ZMYM1: variants seen among roughly 807,000 people sequenced by gnomAD.
The protein encoded by ZMYM1 is zinc finger MYM-type protein 1.
Under a neutral mutation model 60.0 loss-of-function variants are expected in ZMYM1, and 39 were observed. The ratio of observed to expected loss-of-function variants is 0.65; its 90% CI spans 0.50 to 0.85. ZMYM1 has a LOEUF of 0.85. ZMYM1 is among the 40% of genes least tolerant of loss of function. ZMYM1 has a pLI of 0.00. For synonymous variants in ZMYM1, 413 were observed against 454.0 expected, an observed-to-expected ratio of 0.91 and a Z score of 1.15; for missense variants, 1,171 against 1,309.5, an observed-to-expected ratio of 0.89 and a Z score of 1.63.
rs949615658 is a variant in ZMYM1, at chr1:35,079,411, A to T, written c.-106A>T. On this transcript the variant is annotated 5_prime_UTR_variant, in exon 1 of 10. In the 5' UTR this introduces an upstream ATG that the reference lacks. Transcript: ENST00000359858. The stretch of plus-strand genomic sequence containing the variant: ...GTTTCGCTTCGAAGATTGTTTCAGA[A>T]GCGTTGGGCGGGGCGTCCCTGAGAG... 4 of 940 alleles carry T rather than the reference A, an allele frequency of 4.3e-3. No homozygotes were observed. The highest frequency in any genetic ancestry group is 5.3e-3 in the Non-Finnish European group (3 of 562). 0.1% of individuals were successfully genotyped at this position (940 alleles called of 1,614,324 possible).
At chr1:35,071,622 C>T (rs113285891) in intron 1 of ZMYM1, among the ~76,000 whole-genome samples, 3,492 of 152,232 alleles carry the variant, frequency 0.023, 163 homozygotes, top group African/African-American at 0.08. Flanking sequence ...TCATGAGCCA[C>T]TGCACCCAGC....
chr1:35,114,107 A>T lies in ZMYM1; in HGVS notation c.2277A>T (p.Lys759Asn). 6.2e-7 allele frequency: 1 copy of T among 1,612,962 alleles called. No individual in the cohort carries two copies. Among genetic ancestry groups the T allele is most frequent in the Non-Finnish European group, 8.5e-7 (1 of 1,179,664 alleles). ...ATTTATCAATAATTAGGTTTTGTAA[A>T]GAAGTAAAAGAACTCCGAAGTGCTC... ...FLDLSIIRFC[K>N]EVKELRSALK... is the part of the protein sequence containing the mutation. The change falls in exon 10 of 10, where the codon AAA (lysine) becomes AAT (asparagine). Residue 759 changes from lysine to asparagine, a missense_variant. By Grantham distance (94) the Lys-to-Asn change is moderately conservative. Coordinates refer to ENST00000359858, the MANE Select transcript of ZMYM1 (RefSeq NM_024772.5).
chr1:35,100,671 A>G (rs1299018885), intron 4 of ZMYM1, among the ~76,000 whole-genome samples: 2 of 152,004 alleles, frequency 1.3e-5, no homozygotes, highest in Non-Finnish European at 2.9e-5. Flanking sequence ...TGTATTTAAG[A>G]AGTGTCATTT....
At chr1:35,080,109 A>T (rs971758307) in intron 1 of ZMYM1, among the ~76,000 whole-genome samples, 8 of 150,078 alleles carry the variant, frequency 5.3e-5, no homozygotes, top group African/African-American at 2.0e-4. Context: ...AAAAAAAAAA[A>T]TGAAATGTTT....
intron 6 of ZMYM1, among the ~76,000 whole-genome samples, chr1:35,107,817 T>G (rs1643943440): frequency 6.6e-6 from 1 of 152,080 alleles, no homozygotes; most frequent in South Asian, 2.1e-4. Flanking sequence ...TTATAAATGA[T>G]ACCACTATTG....
At chr1:35,095,796 T>C (rs1485260512) in intron 2 of ZMYM1, 23 bp from the exon 3 acceptor site, 1 of 1,522,608 alleles carries the variant, frequency 6.6e-7, no homozygotes, top group African/African-American at 1.4e-5. Flanking sequence ...TATTTTTAAT[T>C]ATTATTTTTT....
chr1:35,116,913 C>T (rs146506196), downstream of ZMYM1, among the ~76,000 whole-genome samples: 2,151 of 121,222 alleles, frequency 0.018, 50 homozygotes, highest in African/African-American at 0.057. Context: ...GCGCGATCTC[C>T]GCTCACTGCA....
Position 35,094,072 on chromosome 1 carries a change from G to T in ZMYM1, c.85G>T (p.Asp29Tyr). Residue 29 changes from aspartate (D) to tyrosine (Y), a missense_variant, in exon 2 of 10, where the codon GAC becomes TAC. Coordinates refer to ENST00000359858, the MANE Select transcript of ZMYM1 (RefSeq NM_024772.5). ...GLLDEIKTEP[D>Y]NAQEYCHRQQ... is the part of the protein sequence containing the mutation. ...GCTAGATGAAATTAAGACAGAACCC[G>T]ACAATGCTCAAGTAAATATTTTCCC... 1 of 1,608,430 alleles carries T rather than the reference G, an allele frequency of 6.2e-7. No individual in the cohort carries two copies. The highest frequency in any genetic ancestry group is 8.5e-7 in the Non-Finnish European group (1 of 1,177,328).
At chr1:35,074,615 G>A (rs555126024), upstream of ZMYM1, among the ~76,000 whole-genome samples, 1 of 151,870 alleles carries the variant, frequency 6.6e-6, no homozygotes, top group Admixed American at 6.6e-5. Flanking sequence ...CACCATATTG[G>A]CCAGGCTGGT....
At chr1:35,096,337 C>T (rs114994361) in intron 3 of ZMYM1, among the ~76,000 whole-genome samples, 2,155 of 149,280 alleles carry the variant, frequency 0.014, 48 homozygotes, top group African/African-American at 0.048. Context: ...AGAAGAAAAT[C>T]AAAGAGGCTG....
intron 1 of ZMYM1, among the ~76,000 whole-genome samples, chr1:35,079,838 G>T (rs1462928994): frequency 3.3e-5 from 5 of 152,236 alleles, no homozygotes; most frequent in Admixed American, 6.5e-5. Flanking sequence ...CTGGCCGGGC[G>T]TGGTGCCTCA....
intron 4 of ZMYM1, among the ~76,000 whole-genome samples, chr1:35,100,594 C>T (rs1557681470): frequency 6.6e-6 from 1 of 151,208 alleles, no homozygotes; most frequent in African/African-American, 2.4e-5. Flanking sequence ...TGCACTCCAG[C>T]CTGGGCAACG....
At chr1:35,089,055 AC>A (rs895076953) in intron 1 of ZMYM1, among the ~76,000 whole-genome samples, 2 of 151,178 alleles carry the variant, frequency 1.3e-5, no homozygotes, top group African/African-American at 4.9e-5. Flanking sequence ...CTCCTCATCC[AC>A]CCACCTCAGC....
At chr1:35,065,830 A>G (rs1328456625) in intron 1 of ZMYM1, among the ~76,000 whole-genome samples, 1 of 152,136 alleles carries the variant, frequency 6.6e-6, no homozygotes, top group East Asian at 1.9e-4. Flanking sequence ...AGTAACCACA[A>G]CTTATTAATA....
rs1160059194 is a variant in ZMYM1, at chr1:35,088,383, A to C, written c.-74-5531A>C. On this transcript the variant is annotated intron_variant, in intron 1 of 9. Coordinates refer to ENST00000359858, the MANE Select transcript of ZMYM1 (RefSeq NM_024772.5). ...CAGTGAGCCGTGATCGTACCGCTGC[A>C]CTCCAGCATGGGCAACAGAGTGAGA... 2.1e-5 allele frequency among the ~76,000 whole-genome samples: 3 copies of C among 146,280 alleles called. No homozygotes were observed. The East Asian group carries it at 6.0e-4, about 29-fold the overall frequency.
chr1:35,078,046 C>G (rs568170557), upstream of ZMYM1, among the ~76,000 whole-genome samples: 23 of 152,266 alleles, frequency 1.5e-4, no homozygotes, highest in African/African-American at 5.5e-4. Flanking sequence ...CCTTTATCCT[C>G]TTGCCTTCAG....
chr1:35,104,309 C>T lies in ZMYM1; in HGVS notation c.434C>T (p.Pro145Leu). 6.3e-7 allele frequency: 1 copy of T among 1,582,102 alleles called. No homozygotes were observed. The highest frequency in any genetic ancestry group is 8.6e-7 in the Non-Finnish European group (1 of 1,167,360). The change falls in exon 5 of 10, where the codon CCA (proline) becomes CTA (leucine). Residue 145 changes from proline (P) to leucine (L), a missense_variant. Physicochemically the swap from Pro to Leu is moderately conservative, Grantham distance 98. Coordinates refer to ENST00000359858, the MANE Select transcript of ZMYM1 (RefSeq NM_024772.5). ...TTTATTCTTAGAGACATTTTAAATC[C>T]AAAGGATGTGATTAGTGTCCAGCTG... is the stretch of plus-strand genomic sequence containing the variant. ...CSNCSKDILNPKDVISVQLED... is the reference protein window; with the variant it reads ...CSNCSKDILNLKDVISVQLED...
chr1:35,117,360 C>G (rs1234333501), downstream of ZMYM1, among the ~76,000 whole-genome samples: 1 of 152,002 alleles, frequency 6.6e-6, no homozygotes, highest in Non-Finnish European at 1.5e-5. Flanking sequence ...CTCTGTTGCC[C>G]AGGCTGGAGT....
chr1:35,060,294 G>A (rs1274240849), intron 1 of ZMYM1, among the ~76,000 whole-genome samples: 3 of 151,836 alleles, frequency 2.0e-5, no homozygotes. Flanking sequence ...CCAAGTAGCT[G>A]GGATTATAGG....
Sources: gnomAD v4.1 joint callset for allele counts (sites outside exome capture counted in the v4.1 genomes callset) on GRCh38, gnomAD v4.1.1 for gene constraint, MANE v1.5 for transcripts, NCBI Gene and HGNC (gene_info 2026-07-23, HGNC 2026-07-21) for gene names.